The following PM20D2 variants were observed in gnomAD, a reference collection of about 807,000 sequenced individuals.
The protein encoded by PM20D2 is xaa-Arg dipeptidase.
PM20D2 carries 33 observed loss-of-function variants against 42.9 expected under a neutral mutation model. The observed-to-expected ratio is 0.77, with a 90% CI of 0.58 to 1.03. PM20D2 has a LOEUF of 1.03. PM20D2 is among the 50% of genes least tolerant of loss of function. The probability of loss-of-function intolerance (pLI) is 0.00; values close to 1 mark genes in which losing one functional copy is unlikely to be tolerated. For missense variants in PM20D2, 548 were observed against 557.0 expected, an observed-to-expected ratio of 0.98 and a Z score of 0.16; for synonymous variants, 250 against 228.2, an observed-to-expected ratio of 1.10 and a Z score of -0.86.
the PM20D2 span, among the ~76,000 whole-genome samples, chr6:89,108,506 C>A: frequency 5.3e-5 from 8 of 152,186 alleles, no homozygotes; most frequent in Admixed American, 5.2e-4. Context: ...CCATCTTAAC[C>A]ACTACACCCT....
chr6:89,146,087 G>C lies in PM20D2; in HGVS notation c.-58G>C. 1 of 1,347,742 alleles carries C rather than the reference G, an allele frequency of 7.4e-7. No individual in the cohort carries two copies. 83.5% of individuals were successfully genotyped at this position (1,347,742 alleles called of 1,614,324 possible). The stretch of plus-strand genomic sequence containing the variant: ...CCTCTGGGCGCGTGCGCGGGCGGTC[G>C]CTACCTGCGGCCGAGCCAGGGAGCG... On this transcript the variant is annotated 5_prime_UTR_variant, in exon 1 of 7. Transcript: ENST00000275072.
At chr6:89,156,183 G>A (rs1771044344) in intron 4 of PM20D2, among the ~76,000 whole-genome samples, 1 of 152,046 alleles carries the variant, frequency 6.6e-6, no homozygotes, top group African/African-American at 2.4e-5. Context: ...CACACTGACT[G>A]GTTTTGTTGA....
Position 89,164,791 on chromosome 6 carries a change from T to A in PM20D2, c.*2528T>A, listed in dbSNP as rs928381354. On this transcript the variant is annotated 3_prime_UTR_variant, in exon 7 of 7. Coordinates refer to ENST00000275072, the MANE Select transcript of PM20D2 (RefSeq NM_001010853.3). ...ATGTAAAATTATGTGTATTTTCTTC[T>A]CTTTTACATAAATTGTTTGTGAAAA... The A allele has an allele frequency of 1.3e-5, 2 of 152,296 alleles. No individual in the cohort carries two copies. Among genetic ancestry groups the A allele is most frequent in the African/African-American group, 4.8e-5 (2 of 41,400 alleles). 9.4% of individuals were successfully genotyped at this position (152,296 alleles called of 1,614,324 possible). A position where few individuals can be genotyped will look rare whatever the true frequency, so the allele number is the denominator to read the frequency against.
the PM20D2 span, among the ~76,000 whole-genome samples, chr6:89,101,739 G>A: frequency 6.6e-6 from 1 of 152,028 alleles, no homozygotes; most frequent in Non-Finnish European, 1.5e-5. Flanking sequence ...AACCTTGCCA[G>A]AGAATGAAAG....
At position 89,146,286 on chromosome 6, in the gene PM20D2, C is replaced by A; in HGVS notation, c.142C>A (p.Gln48Lys). The change falls in exon 1 of 7, where the codon CAG (glutamine) becomes AAG (lysine). Residue 48 changes from glutamine (Q) to lysine (K), a missense_variant. Gln to Lys is a moderately conservative substitution (Grantham distance 53). Transcript: ENST00000275072. ...LGALSRAIWS[Q>K]PELAYEEHHA... ...GGCCCTGAGCCGCGCGATCTGGAGC[C>A]AGCCCGAGCTGGCCTACGAGGAGCA... The A allele has an allele frequency of 2.5e-6, 4 of 1,581,830 alleles. No homozygotes were observed. Among genetic ancestry groups the A allele is most frequent in the Non-Finnish European group, 3.4e-6 (4 of 1,172,264 alleles).
the PM20D2 span, chr6:89,098,556 G>C: frequency 6.9e-6 from 11 of 1,587,226 alleles, no homozygotes; most frequent in African/African-American, 2.7e-5. Context: ...TAAAGACGGC[G>C]TGGTGCTCTT....
At chr6:89,140,189 C>A in the PM20D2 span, among the ~76,000 whole-genome samples, 1 of 152,134 alleles carries the variant, frequency 6.6e-6, no homozygotes, top group African/African-American at 2.4e-5. Context: ...CTCAAGCAAT[C>A]CTCTTGCCTT....
the PM20D2 span, chr6:89,107,326 T>C: frequency 2.4e-6 from 3 of 1,259,766 alleles, no homozygotes; most frequent in South Asian, 2.6e-5. Flanking sequence ...CCTACAGAAA[T>C]CCACTTGAAA....
At chr6:89,106,440 TATAAATATAAA>T in the PM20D2 span, among the ~76,000 whole-genome samples, 2 of 152,172 alleles carry the variant, frequency 1.3e-5, no homozygotes, top group African/African-American at 4.8e-5. Context: ...CTACTTGGGA[TATAAATATAAA>T]AGAAACATAA....
chr6:89,099,593 T>C, the PM20D2 span, among the ~76,000 whole-genome samples: 1 of 147,524 alleles, frequency 6.8e-6, no homozygotes, highest in South Asian at 2.1e-4. Context: ...TAGAGTGCAA[T>C]GGCACGATCT....
upstream of PM20D2, among the ~76,000 whole-genome samples, chr6:89,144,570 T>C (rs376698249): frequency 7.9e-5 from 12 of 152,346 alleles, 1 homozygote; most frequent in Admixed American, 3.9e-4. Flanking sequence ...GACATACATC[T>C]GTAAAATGAA....
intron 5 of PM20D2, among the ~76,000 whole-genome samples, chr6:89,158,994 G>C (rs1426235556): frequency 1.3e-5 from 2 of 152,110 alleles, no homozygotes; most frequent in Non-Finnish European, 2.9e-5. Flanking sequence ...AAAAGGACTT[G>C]GTGGTGAAAA....
chr6:89,159,871 C>T (rs1336544799), intron 5 of PM20D2, among the ~76,000 whole-genome samples: 1 of 152,098 alleles, frequency 6.6e-6, no homozygotes, highest in Non-Finnish European at 1.5e-5. Flanking sequence ...TGGTTCTGTT[C>T]TTTTACCCTA....
At chr6:89,150,449 G>A (rs568394444) in intron 2 of PM20D2, among the ~76,000 whole-genome samples, 3 of 151,268 alleles carry the variant, frequency 2.0e-5, no homozygotes. Flanking sequence ...GTTAGGCTTC[G>A]TGGTCTTGGT....
At position 89,149,410 on chromosome 6, in the gene PM20D2, A is replaced by G. The variant is rs1270063134; in HGVS notation, c.611A>G (p.His204Arg). ...NAAYLPDMAE[H>R]DVTVKYYGKA... is the part of the protein sequence containing the mutation. ...GCTTATCTACCAGATATGGCTGAACATGAGTGAGTAATCAAGTTGAAGATA... is the reference window on the plus strand; with the variant it reads ...GCTTATCTACCAGATATGGCTGAACGTGAGTGAGTAATCAAGTTGAAGATA... The change falls in exon 2 of 7, where the codon CAT becomes CGT. Residue 204 changes from histidine (H) to arginine (R), a missense_variant. Around this residue, in one of 3 missense-constraint regions of PM20D2, gnomAD observed 470 missense variants for 464.4 expected, o/e 1.01. Coordinates refer to ENST00000275072, the MANE Select transcript of PM20D2 (RefSeq NM_001010853.3). The G allele has an allele frequency of 6.2e-7, 1 of 1,613,596 alleles. No individual in the cohort carries two copies. The highest frequency in any genetic ancestry group is 8.5e-7 in the Non-Finnish European group (1 of 1,179,798).
the PM20D2 span, chr6:89,097,057 A>G: frequency 6.6e-6 from 1 of 152,230 alleles, no homozygotes; most frequent in Non-Finnish European, 1.5e-5. Flanking sequence ...TCCAAATATT[A>G]CCAGCATACA....
chr6:89,118,692 C>A, the PM20D2 span, among the ~76,000 whole-genome samples: 1 of 152,202 alleles, frequency 6.6e-6, no homozygotes, highest in African/African-American at 2.4e-5. Context: ...TGAGTACATT[C>A]ATTCAGATGT....
the PM20D2 span, chr6:89,099,015 A>G: frequency 5.3e-6 from 8 of 1,495,844 alleles, no homozygotes; most frequent in Non-Finnish European, 7.1e-6. Flanking sequence ...TAACACTTTC[A>G]GGAACTTACA....
At chr6:89,121,358 G>A in the PM20D2 span, among the ~76,000 whole-genome samples, 2 of 152,068 alleles carry the variant, frequency 1.3e-5, no homozygotes, top group Admixed American at 6.6e-5. Context: ...AGAGAACATC[G>A]TCGGGCACGG....
Sources: allele counts gnomAD v4.1 joint callset (sites outside exome capture counted in the v4.1 genomes callset), GRCh38; gene constraint gnomAD v4.1.1; regional missense constraint gnomAD v4.1.1; transcripts MANE v1.5; gene names NCBI Gene and HGNC (gene_info 2026-07-23, HGNC 2026-07-21).